NRG3: variants seen among roughly 807,000 people sequenced by gnomAD.
NRG3 encodes pro-neuregulin-3, membrane-bound isoform.
In NRG3, 31 loss-of-function variants were observed where a neutral mutation model predicts 66.9. The ratio of observed to expected loss-of-function variants is 0.46; its 90% CI spans 0.35 to 0.63. The LOEUF (loss-of-function observed/expected upper bound fraction) is 0.63. NRG3 is among the 20% of genes least tolerant of loss of function. The pLI is 0.00. For synonymous variants in NRG3, 393 were observed against 359.4 expected (o/e 1.09, Z -1.06); for missense variants, 910 against 878.9 (o/e 1.04, Z -0.45).
Position 82,102,135 on chromosome 10 carries a change from T to TATATATATATATATGTGTGTATTC in NRG3, c.823+225986_823+225987insGTGTGTATTCATATATATATATAT, listed in dbSNP as rs1590118463. On this transcript the variant is annotated intron_variant, in intron 1 of 8. Coordinates refer to ENST00000372141, the MANE Select transcript of NRG3 (RefSeq NM_001010848.4). ...ATTCATATATATATATGTGTATTCA[T>TATATATATATATATGTGTGTATTC]ATATATATATATATATATATATATA... 6.5e-4 allele frequency among the ~76,000 whole-genome samples: 14 copies of TATATATATATATATGTGTGTATTC among 21,630 alleles called. No individual in the cohort carries two copies. The South Asian group carries it at 9.3e-3, about 14-fold the overall frequency. The allele number at this position is 21,630 out of a possible 152,430, so 14.2% of individuals were successfully genotyped here. A position where few individuals can be genotyped will look rare whatever the true frequency, so the allele number is the denominator to read the frequency against.
intron 1 of NRG3, among the ~76,000 whole-genome samples, chr10:82,321,315 A>C (rs1253851661): frequency 6.9e-6 from 1 of 144,860 alleles, no homozygotes; most frequent in African/African-American, 2.7e-5. Context: ...GGTGGGGGTC[A>C]GGGAACTCTC....
chr10:82,507,383 G>A (rs1844781874), intron 2 of NRG3, among the ~76,000 whole-genome samples: 1 of 152,150 alleles, frequency 6.6e-6, no homozygotes, highest in Admixed American at 6.5e-5. Flanking sequence ...CCCTGCCTGG[G>A]AGGTTTTGGA....
intron 3 of NRG3, among the ~76,000 whole-genome samples, chr10:82,842,111 C>T (rs1415132802): frequency 3.3e-5 from 5 of 151,982 alleles, no homozygotes; most frequent in East Asian, 1.9e-4. Flanking sequence ...ATTTTCCAGG[C>T]GTGGTGGTGT....
chr10:82,931,246 C>G (rs2132161801), intron 4 of NRG3, among the ~76,000 whole-genome samples: 1 of 152,278 alleles, frequency 6.6e-6, no homozygotes, highest in Admixed American at 6.5e-5. Context: ...AGCTTACCAA[C>G]TTTATTTACA....
chr10:82,612,098 C>T (rs2048352186), intron 2 of NRG3, among the ~76,000 whole-genome samples: 1 of 152,042 alleles, frequency 6.6e-6, no homozygotes, highest in African/African-American at 2.4e-5. Context: ...ATCCTTTGCC[C>T]ACTTTTTGAT....
intron 1 of NRG3, among the ~76,000 whole-genome samples, chr10:82,277,575 C>T (rs912521297): frequency 6.6e-6 from 1 of 151,962 alleles, no homozygotes; most frequent in Non-Finnish European, 1.5e-5. Context: ...CTAATGTAAC[C>T]TCCTTTTCAT....
At chr10:82,167,616 A>G (rs888248701) in intron 1 of NRG3, among the ~76,000 whole-genome samples, 5 of 152,098 alleles carry the variant, frequency 3.3e-5, no homozygotes, top group African/African-American at 1.2e-4. Flanking sequence ...TCCCAATTTC[A>G]TAATTATCTC....
chr10:82,220,504 A>G (rs1200266247), intron 1 of NRG3, among the ~76,000 whole-genome samples: 1 of 152,080 alleles, frequency 6.6e-6, no homozygotes, highest in East Asian at 1.9e-4. Flanking sequence ...TCCTACAGGA[A>G]GAAGATCTGG....
chr10:82,119,224 A>C (rs1295132890), intron 1 of NRG3, among the ~76,000 whole-genome samples: 1 of 152,140 alleles, frequency 6.6e-6, no homozygotes. Flanking sequence ...CTGTATTCTT[A>C]ACCATATTTA....
At chr10:82,131,382 C>A (rs1176564036) in intron 1 of NRG3, among the ~76,000 whole-genome samples, 1 of 152,044 alleles carries the variant, frequency 6.6e-6, no homozygotes, top group Non-Finnish European at 1.5e-5. Flanking sequence ...GTTCTCTATT[C>A]TGTTCCATTA....
In NRG3 at chr10:81,958,179, C is replaced by T. The variant is rs1363259536; in HGVS notation, c.823+82016C>T. Among the ~76,000 whole-genome samples the T allele has an allele frequency of 3.9e-5, 6 of 152,142 alleles. No individual in the cohort carries two copies. In the South Asian group the frequency reaches 6.2e-4, roughly 16 times the overall value. On this transcript the variant is annotated intron_variant, in intron 1 of 8. Coordinates refer to ENST00000372141, the MANE Select transcript of NRG3 (RefSeq NM_001010848.4). The stretch of plus-strand genomic sequence containing the variant: ...TGGCCACATCCTGTTCTGACTGAGC[C>T]GTGCAAGTTCTGCCTTTATTAGTTT...
At chr10:81,963,151 T>TTTTTTG (rs745834169) in intron 1 of NRG3, among the ~76,000 whole-genome samples, 9 of 135,496 alleles carry the variant, frequency 6.6e-5, no homozygotes, top group African/African-American at 1.7e-4. Flanking sequence ...TTTTTTTTTT[T>TTTTTTG]GAGACGGAGT....
At chr10:82,437,447 T>C (rs2090199689) in intron 2 of NRG3, among the ~76,000 whole-genome samples, 1 of 152,084 alleles carries the variant, frequency 6.6e-6, no homozygotes, top group Non-Finnish European at 1.5e-5. Flanking sequence ...TAACCTTTTA[T>C]GAAGTTTCTT....
Position 82,738,765 on chromosome 10 carries a change from C to T in NRG3, c.1027+115C>T, listed in dbSNP as rs987921293. Reference sequence around the variant, plus strand: ...TCAGTCTTGTGTCTCTGAAAGCTGCCAAGGACAGAAGCTGATGGCAGATGT... The same window carrying T: ...TCAGTCTTGTGTCTCTGAAAGCTGCTAAGGACAGAAGCTGATGGCAGATGT... On this transcript the variant is annotated intron_variant, in intron 3 of 8. Coordinates refer to ENST00000372141, the MANE Select transcript of NRG3 (RefSeq NM_001010848.4). The T allele has an allele frequency of 1.1e-5, 10 of 901,648 alleles. No individual in the cohort carries two copies. The African/African-American group carries it at 1.6e-4, about 15-fold the overall frequency. 55.9% of individuals were successfully genotyped at this position (901,648 alleles called of 1,614,324 possible). A position where few individuals can be genotyped will look rare whatever the true frequency, so the allele number is the denominator to read the frequency against.
chr10:82,431,550 C>T (rs748766322), intron 2 of NRG3, among the ~76,000 whole-genome samples: 9 of 152,104 alleles, frequency 5.9e-5, no homozygotes, highest in Non-Finnish European at 7.4e-5. Context: ...TGTCAGTGTT[C>T]TAATTTCTTT....
intron 2 of NRG3, among the ~76,000 whole-genome samples, chr10:82,606,025 A>T (rs2047941906): frequency 6.6e-6 from 1 of 152,034 alleles, no homozygotes; most frequent in African/African-American, 2.4e-5. Flanking sequence ...TGTCACTTTC[A>T]TCAACTTCTG....
chr10:81,971,425 A>G (rs1359278496), intron 1 of NRG3, among the ~76,000 whole-genome samples: 2 of 152,240 alleles, frequency 1.3e-5, no homozygotes, highest in Non-Finnish European at 2.9e-5. Context: ...ATAATATGGA[A>G]ATTTAGAAAA....
rs1443636826 is a variant in NRG3, at chr10:81,926,373, G to T, written c.823+50210G>T. On this transcript the variant is annotated intron_variant, in intron 1 of 8. Coordinates refer to ENST00000372141, the MANE Select transcript of NRG3 (RefSeq NM_001010848.4). Reference sequence around the variant, plus strand: ...TGACGTCAAGTAATACATCCGCCTTGGCCTCCCAAATTGCTGGGATTATAG... The same window carrying T: ...TGACGTCAAGTAATACATCCGCCTTTGCCTCCCAAATTGCTGGGATTATAG... 2.6e-5 allele frequency among the ~76,000 whole-genome samples: 4 copies of T among 151,910 alleles called. No homozygotes were observed. The East Asian group carries it at 7.7e-4, about 29-fold the overall frequency.
chr10:82,569,930 C>A (rs982767972), intron 2 of NRG3, among the ~76,000 whole-genome samples: 3 of 151,614 alleles, frequency 2.0e-5, no homozygotes, highest in African/African-American at 7.3e-5. Context: ...ATAAGTCTTG[C>A]AATTTTCCAG....
Sources: allele counts gnomAD v4.1 joint callset (sites outside exome capture counted in the v4.1 genomes callset), GRCh38; gene constraint gnomAD v4.1.1; transcripts MANE v1.5; gene names NCBI Gene and HGNC (gene_info 2026-07-23, HGNC 2026-07-21).